The following ADAMTS17 variants were observed in gnomAD, a reference collection of about 807,000 sequenced individuals.
ADAMTS17 encodes the protein A disintegrin and metalloproteinase with thrombospondin motifs 17.
In ADAMTS17, 113 loss-of-function variants were observed where a neutral mutation model predicts 141.5. That is an observed-to-expected ratio of 0.80 (90% CI 0.69 to 0.93). ADAMTS17 has a LOEUF of 0.93. Among genes scored for constraint, ADAMTS17 ranks in the 40% least tolerant of loss-of-function variants. The probability of loss-of-function intolerance (pLI) is 0.00; values close to 1 mark genes in which losing one functional copy is unlikely to be tolerated. For synonymous variants in ADAMTS17, 768 were observed against 630.6 expected, an observed-to-expected ratio of 1.22 and a Z score of -3.27; for missense variants, 1,659 against 1,517.9, an observed-to-expected ratio of 1.09 and a Z score of -1.54.
intron 3 of ADAMTS17, among the ~76,000 whole-genome samples, chr15:100,295,934 C>T (rs1018418559): frequency 6.6e-6 from 1 of 152,158 alleles, no homozygotes; most frequent in Admixed American, 6.5e-5. Context: ...TTCCACACTA[C>T]AGAATGCTGC....
chr15:100,153,128 A>G (rs918299204), intron 9 of ADAMTS17, among the ~76,000 whole-genome samples: 1 of 152,230 alleles, frequency 6.6e-6, no homozygotes, highest in African/African-American at 2.4e-5. Flanking sequence ...AGCAAAAACT[A>G]TCATGAATAA....
intron 10 of ADAMTS17, among the ~76,000 whole-genome samples, chr15:100,150,140 G>A (rs557434327): frequency 1.3e-5 from 2 of 152,176 alleles, no homozygotes; most frequent in African/African-American, 4.8e-5. Context: ...TAAATGTTCA[G>A]CTTCAATGTA....
chr15:99,979,908 A>G (rs1291747887), intron 20 of ADAMTS17: 5 of 152,252 alleles, frequency 3.3e-5, no homozygotes, highest in African/African-American at 1.2e-4. Flanking sequence ...TTACATCACT[A>G]GAGACTTTTA....
chr15:100,253,714 C>T (rs966062077), intron 7 of ADAMTS17, among the ~76,000 whole-genome samples: 2 of 152,126 alleles, frequency 1.3e-5, no homozygotes, highest in African/African-American at 4.8e-5. Flanking sequence ...TCACACTTCA[C>T]CCCTTAGGGT....
chr15:99,987,275 C>T lies in ADAMTS17; in HGVS notation c.2949+5773G>A, dbSNP rs546781626. On this transcript the variant is annotated intron_variant, in intron 20 of 21. Transcript: ENST00000268070. ...TGCTGGAAGATTGCCCCTTTAAGCT[C>T]CCTCTACTGCAACACAGTGAGCGGA... Among the ~76,000 whole-genome samples, 64 of 152,336 alleles carry T rather than the reference C, an allele frequency of 4.2e-4. No homozygotes were observed. The South Asian group carries it at 5.2e-3, about 12-fold the overall frequency.
chr15:100,016,086 T>C (rs2061283493), intron 18 of ADAMTS17, among the ~76,000 whole-genome samples: 1 of 152,208 alleles, frequency 6.6e-6, no homozygotes, highest in Non-Finnish European at 1.5e-5. Flanking sequence ...CTTTGTTGGA[T>C]TGGGTTAATT....
At chr15:100,271,750 T>A (rs770177283) in intron 4 of ADAMTS17, among the ~76,000 whole-genome samples, 18 of 152,222 alleles carry the variant, frequency 1.2e-4, no homozygotes, top group Non-Finnish European at 2.1e-4. Flanking sequence ...TTCCAATTTG[T>A]CTATTTTTCC....
At chr15:100,332,909 G>A (rs115002707) in intron 2 of ADAMTS17, among the ~76,000 whole-genome samples, 2 of 152,138 alleles carry the variant, frequency 1.3e-5, no homozygotes, top group East Asian at 1.9e-4. Context: ...AGGAAGGAGG[G>A]GTTGTACAGG....
chr15:100,181,160 C>T (rs2040511441), intron 8 of ADAMTS17, among the ~76,000 whole-genome samples: 1 of 152,148 alleles, frequency 6.6e-6, no homozygotes, highest in Non-Finnish European at 1.5e-5. Flanking sequence ...CTCAAGCACT[C>T]TTCAGTTTGT....
At chr15:100,091,932 G>T (rs1028785041) in intron 15 of ADAMTS17, among the ~76,000 whole-genome samples, 2 of 152,140 alleles carry the variant, frequency 1.3e-5, no homozygotes, top group East Asian at 3.9e-4. Flanking sequence ...AGAACTCATT[G>T]TTTGGGAAAC....
At chr15:100,211,368 T>C (rs1163298776) in intron 7 of ADAMTS17, among the ~76,000 whole-genome samples, 1 of 150,866 alleles carries the variant, frequency 6.6e-6, no homozygotes, top group African/African-American at 2.4e-5. Flanking sequence ...TTTAAAAATA[T>C]TGAATAACTG....
intron 18 of ADAMTS17, among the ~76,000 whole-genome samples, chr15:100,023,400 G>A (rs759594924): frequency 5.3e-5 from 8 of 151,828 alleles, no homozygotes; most frequent in East Asian, 3.9e-4. Context: ...TAGAGACGGC[G>A]TTTCACGTTG....
At chr15:100,138,650 A>C (rs190210426) in intron 10 of ADAMTS17, among the ~76,000 whole-genome samples, 11 of 152,354 alleles carry the variant, frequency 7.2e-5, no homozygotes, top group African/African-American at 2.4e-4. Context: ...ACCAAGTGAG[A>C]AATACTGATG....
At chr15:100,060,618 G>GGAGACTT (rs2033043463) in intron 15 of ADAMTS17, among the ~76,000 whole-genome samples, 1 of 152,222 alleles carries the variant, frequency 6.6e-6, no homozygotes, top group Admixed American at 6.5e-5. Flanking sequence ...GTCTCTCTCC[G>GGAGACTT]TCCTAGCTTC....
rs1200344965 is a variant in ADAMTS17, at chr15:100,261,481, G to T, written c.1029C>A (p.Thr343=). 6.2e-7 allele frequency: 1 copy of T among 1,614,044 alleles called. No homozygotes were observed. The change falls in exon 6 of 22, where the codon ACC becomes ACA. Residue 343 remains threonine (T), a splice_region_variant and synonymous_variant. Coordinates refer to ENST00000268070, the MANE Select transcript of ADAMTS17 (RefSeq NM_139057.4). ...CTACAGGCCAAATCCCATCTTACCT[G>T]GTCACAAACACGGCAGCATCCACCA... ...PPLVDAAVFV[T]RTDFCVHKDE... is the part of the protein sequence containing the mutation.
At position 100,145,185 on chromosome 15, in the gene ADAMTS17, C is replaced by G. The variant is rs2038841831; in HGVS notation, c.1473+7427G>C. ...ATTAATGCTCAGGTGCTTTTCTAAG[C>G]TGCCCTCAGGCTCTGCACACAGCAA... is the stretch of plus-strand genomic sequence containing the variant. On this transcript the variant is annotated intron_variant, in intron 10 of 21. Coordinates refer to ENST00000268070, the MANE Select transcript of ADAMTS17 (RefSeq NM_139057.4). Among the ~76,000 whole-genome samples, 4 of 152,288 alleles carry G rather than the reference C, an allele frequency of 2.6e-5. No homozygotes were observed. The South Asian group carries it at 8.3e-4, about 32-fold the overall frequency.
At chr15:99,976,995 G>C (rs2060346946) in intron 20 of ADAMTS17, among the ~76,000 whole-genome samples, 4 of 152,134 alleles carry the variant, frequency 2.6e-5, no homozygotes. Context: ...GATGACCACA[G>C]AGGTCTCCCA....
chr15:100,110,648 C>CCT (rs373976940), intron 13 of ADAMTS17, among the ~76,000 whole-genome samples: 1 of 151,918 alleles, frequency 6.6e-6, no homozygotes, highest in African/African-American at 2.4e-5. Flanking sequence ...GCATTTTTCT[C>CCT]CTCTCTCTCT....
Position 100,152,727 on chromosome 15 carries a change from G to C in ADAMTS17, c.1358C>G (p.Pro453Arg). The change falls in exon 10 of 22, where the codon CCC becomes CGC. Residue 453 changes from proline to arginine, a missense_variant. Coordinates refer to ENST00000268070, the MANE Select transcript of ADAMTS17 (RefSeq NM_139057.4). ...GAGGCGTACTGTGTGCTGGCTTCTGGGGTCCGTGACTAGCAAGCAGGTGCT... is the reference window on the plus strand; with the variant it reads ...GAGGCGTACTGTGTGCTGGCTTCTGCGGTCCGTGACTAGCAAGCAGGTGCT... Reference protein sequence around the residue: ...KVSTCLLVTDPRSQHTVRLPH... With the variant: ...KVSTCLLVTDRRSQHTVRLPH... The C allele has an allele frequency of 1.2e-6, 2 of 1,614,236 alleles. No individual in the cohort carries two copies. Among genetic ancestry groups the C allele is most frequent in the Non-Finnish European group, 1.7e-6 (2 of 1,180,046 alleles).
Sources: allele counts gnomAD v4.1 joint callset (sites outside exome capture counted in the v4.1 genomes callset), GRCh38; gene constraint gnomAD v4.1.1; transcripts MANE v1.5; gene names NCBI Gene and HGNC (gene_info 2026-07-23, HGNC 2026-07-21).